RASIP1: variants seen among roughly 807,000 people sequenced by gnomAD.
RASIP1 encodes Ras interacting protein 1.
A neutral mutation model predicts 85.3 loss-of-function variants in RASIP1; 20 were observed. The observed-to-expected ratio is 0.23, with a 90% CI of 0.17 to 0.34. The LOEUF (loss-of-function observed/expected upper bound fraction) is 0.34, where lower values mean the gene tolerates loss of function less well. RASIP1 is among the 10% of genes least tolerant of loss of function. RASIP1 has a pLI of 1.00. For synonymous variants in RASIP1, 617 were observed against 647.1 expected, an observed-to-expected ratio of 0.95 and a Z score of 0.71; for missense variants, 1,170 against 1,390.9, an observed-to-expected ratio of 0.84 and a Z score of 2.53.
intron 4 of RASIP1, among the ~76,000 whole-genome samples, chr19:48,733,823 G>T (rs891720152): frequency 6.6e-6 from 1 of 151,352 alleles, no homozygotes; most frequent in South Asian, 2.1e-4. Flanking sequence ...AAAAAGTGTG[G>T]GGGGGAGGGG....
Position 48,726,841 on chromosome 19 carries a change from G to C in RASIP1, c.2071C>G (p.Leu691Val). Residue 691 changes from leucine to valine, a missense_variant, in exon 8 of 12, where the codon CTC becomes GTC. Around this residue, in one of 4 missense-constraint regions of RASIP1, gnomAD observed 426 missense variants for 576.2 expected, o/e 0.74. Transcript: ENST00000222145. Reference sequence around the variant, plus strand: ...GTACACATGATGACCTCATCCAGGAGGGCCATGGCCTCATCACATAATTCC... The same window carrying C: ...GTACACATGATGACCTCATCCAGGACGGCCATGGCCTCATCACATAATTCC... The part of the protein sequence containing the change: ...DLELCDEAMA[L>V]LDEVIMCTFQ... 2 of 1,614,094 alleles carry C rather than the reference G, an allele frequency of 1.2e-6. No homozygotes were observed. Among genetic ancestry groups the C allele is most frequent in the Non-Finnish European group, 8.5e-7 (1 of 1,179,970 alleles).
At chr19:48,725,585 G>A (rs2033328820) in intron 8 of RASIP1, 1 of 152,264 alleles carries the variant, frequency 6.6e-6, no homozygotes, top group African/African-American at 2.4e-5. Flanking sequence ...GGGTAATGGG[G>A]GGGAAACTGG....
chr19:48,722,776 A>C (rs546051809), intron 10 of RASIP1, among the ~76,000 whole-genome samples: 1 of 152,272 alleles, frequency 6.6e-6, no homozygotes, highest in Admixed American at 6.5e-5. Context: ...CTCCTCATCC[A>C]TAAATTTGGA....
At chr19:48,734,686 C>A (rs548290557) in intron 4 of RASIP1, among the ~76,000 whole-genome samples, 1 of 152,190 alleles carries the variant, frequency 6.6e-6, no homozygotes, top group South Asian at 2.1e-4. Context: ...AGGGTTTCTC[C>A]ATGTTGGTCA....
intron 4 of RASIP1, among the ~76,000 whole-genome samples, chr19:48,731,180 G>A (rs1309953205): frequency 5.3e-5 from 8 of 152,070 alleles, no homozygotes; most frequent in Non-Finnish European, 1.2e-4. Flanking sequence ...AGGCTGAGGC[G>A]GGAAAATCGC....
intron 3 of RASIP1, among the ~76,000 whole-genome samples, chr19:48,737,160 G>A (rs1599748844): frequency 6.6e-6 from 1 of 152,206 alleles, no homozygotes; most frequent in Non-Finnish European, 1.5e-5. Flanking sequence ...TCTTTATTAA[G>A]CACCTACTCT....
intron 3 of RASIP1, chr19:48,737,476 C>T (rs2033593781): frequency 2.0e-6 from 2 of 985,292 alleles, no homozygotes; most frequent in South Asian, 4.7e-5. Context: ...CCTTCCTTCG[C>T]CTCTACAGTG....
rs2033653698 is a variant in RASIP1 at position 48,740,432 on chromosome 19, T to C, written c.-5+89A>G. 1.4e-6 allele frequency: 2 copies of C among 1,389,376 alleles called. No homozygotes were observed. Among genetic ancestry groups the C allele is most frequent in the Non-Finnish European group, 1.9e-6 (2 of 1,068,790 alleles). The allele number at this position is 1,389,376 out of a possible 1,614,324, so 86.1% of individuals were successfully genotyped here. On this transcript the variant is annotated intron_variant, in intron 1 of 11. Coordinates refer to ENST00000222145, the MANE Select transcript of RASIP1 (RefSeq NM_017805.3). This position sits in a 1 kb window ranked among gnomAD's most constrained non-coding sequence, Gnocchi z 5.5. ...GGAGGAGAGGGATGGTACCCTGGAT[T>C]CCTGGGTCCTGGGATGGAAGATGGC...
chr19:48,737,845 C>G (rs1223144267), intron 3 of RASIP1: 1 of 969,198 alleles, frequency 1.0e-6, no homozygotes, highest in African/African-American at 1.8e-5. Context: ...CCCCGCCCAT[C>G]TGCTCTGCAT....
chr19:48,733,252 T>C (rs1233200442), intron 4 of RASIP1, among the ~76,000 whole-genome samples: 1 of 152,184 alleles, frequency 6.6e-6, no homozygotes, highest in East Asian at 1.9e-4. Flanking sequence ...CCCAAACTTC[T>C]GGTCTCAAGT....
At chr19:48,736,329 G>A (rs966528224) in intron 3 of RASIP1, among the ~76,000 whole-genome samples, 6 of 151,920 alleles carry the variant, frequency 3.9e-5, no homozygotes, top group African/African-American at 1.4e-4. Context: ...CGTGAACCCG[G>A]GAGGCGGAGC....
intron 3 of RASIP1, among the ~76,000 whole-genome samples, chr19:48,736,531 T>G (rs2033576001): frequency 6.6e-6 from 1 of 152,166 alleles, no homozygotes; most frequent in Non-Finnish European, 1.5e-5. Context: ...CTAAACACCC[T>G]TCCCTGACAG....
Position 48,724,883 on chromosome 19 carries a change from C to T in RASIP1, c.2205G>A (p.Ala735=), listed in dbSNP as rs34043113. ...ATCCTGGAGGCATGGCCCCCAGCTC[C>T]GCGCCAGGCCCCGGCAGCTCTGCAC... ...TAGAELPGPG[A]ELGAMPPGLR... Residue 735 remains alanine (A), a synonymous_variant, in exon 9 of 12, where the codon GCG becomes GCA. Transcript: ENST00000222145. The surrounding 1 kb of genome is among the most constrained non-coding windows in gnomAD (Gnocchi z 4.6). 54 of 1,614,244 alleles carry T rather than the reference C, an allele frequency of 3.3e-5. No homozygotes were observed. The highest frequency in any genetic ancestry group is 3.2e-4 in the Admixed American group (19 of 60,034).
chr19:48,731,093 G>T (rs920648923), intron 4 of RASIP1, among the ~76,000 whole-genome samples: 2 of 152,068 alleles, frequency 1.3e-5, no homozygotes. Flanking sequence ...TGACCAACGT[G>T]GAGAAACCCT....
At chr19:48,721,500 C>T (rs1193876051) in intron 11 of RASIP1, among the ~76,000 whole-genome samples, 1 of 152,054 alleles carries the variant, frequency 6.6e-6, no homozygotes, top group Non-Finnish European at 1.5e-5. Context: ...GGGATCTGGA[C>T]TCCAAGATCC....
intron 10 of RASIP1, among the ~76,000 whole-genome samples, chr19:48,722,383 G>A (rs1327784244): frequency 1.4e-5 from 2 of 142,272 alleles, no homozygotes; most frequent in Non-Finnish European, 3.0e-5. Flanking sequence ...TGGCTCGATC[G>A]TGGCTTGCTG....
intron 3 of RASIP1, among the ~76,000 whole-genome samples, chr19:48,737,005 C>T (rs907979490): frequency 2.0e-5 from 3 of 152,048 alleles, no homozygotes; most frequent in South Asian, 4.1e-4. Flanking sequence ...CACTGCACTC[C>T]AGCCTGGGCA....
In RASIP1 at chr19:48,720,699, T is replaced by G. The variant is rs183639286; in HGVS notation, c.*99A>C. 1.5e-6 allele frequency: 2 copies of G among 1,327,160 alleles called. No individual in the cohort carries two copies. The highest frequency in any genetic ancestry group is 1.8e-4 in the Middle Eastern group (1 of 5,428). The allele number at this position is 1,327,160 out of a possible 1,614,324, so 82.2% of individuals were successfully genotyped here. A position where few individuals can be genotyped will look rare whatever the true frequency, so the allele number is the denominator to read the frequency against. On this transcript the variant is annotated 3_prime_UTR_variant, in exon 12 of 12. Coordinates refer to ENST00000222145, the MANE Select transcript of RASIP1 (RefSeq NM_017805.3). ...CAATCTCCCAACATTCCACGCGGGA[T>G]AAGAACTACAACTCCCAGAAAGCTT...
chr19:48,727,333 C>A (rs968547352), intron 6 of RASIP1, 60 bp downstream of exon 6: 3 of 1,585,670 alleles, frequency 1.9e-6, no homozygotes, highest in Non-Finnish European at 2.6e-6. Context: ...GAACACAGAA[C>A]TAGACGCAAA....
Sources: allele counts gnomAD v4.1 joint callset (sites outside exome capture counted in the v4.1 genomes callset), GRCh38; gene constraint gnomAD v4.1.1; regional missense constraint gnomAD v4.1.1; non-coding constraint Gnocchi (gnomAD v3.1); transcripts MANE v1.5; gene names NCBI Gene and HGNC (gene_info 2026-07-23, HGNC 2026-07-21).